The following FAM200C variants were observed in gnomAD, a reference collection of about 807,000 sequenced individuals.
At chr5:160,398,255 T>G in the FAM200C span, among the ~76,000 whole-genome samples, 2 of 151,990 alleles carry the variant, frequency 1.3e-5, no homozygotes, top group Non-Finnish European at 2.9e-5. Flanking sequence ...AGCCAGACTC[T>G]GTCTCAAAAA....
chr5:160,399,834 G>A, the FAM200C span: 12 of 151,502 alleles, frequency 7.9e-5, no homozygotes, highest in African/African-American at 2.7e-4. Context: ...CCAAGCCTGA[G>A]GCGCAGGCCT....
At chr5:160,394,201 A>C in the FAM200C span, 5 of 1,611,890 alleles carry the variant, frequency 3.1e-6, no homozygotes, top group Non-Finnish European at 4.2e-6. Context: ...TTATTTCTTC[A>C]AGAAAAGGAA....
chr5:160,394,226 C>CT, the FAM200C span: 1 of 1,611,898 alleles, frequency 6.2e-7, no homozygotes. Context: ...GGTAAAATTT[C>CT]TTTTCTCAAT....
chr5:160,395,390 T>TGAA, the FAM200C span: 10 of 1,614,072 alleles, frequency 6.2e-6, no homozygotes, highest in Non-Finnish European at 7.6e-6. Context: ...AAATACTGAG[T>TGAA]TACACAACAC....
chr5:160,398,828 G>A, the FAM200C span, among the ~76,000 whole-genome samples: 1 of 152,164 alleles, frequency 6.6e-6, no homozygotes, highest in South Asian at 2.1e-4. Flanking sequence ...CCTAAAAAAC[G>A]TAAACATTAA....
the FAM200C span, chr5:160,395,048 G>C: frequency 6.2e-7 from 1 of 1,613,946 alleles, no homozygotes. Context: ...ATCAATTCTA[G>C]AATGGATCAC....
At chr5:160,394,451 T>C in the FAM200C span, 2 of 1,613,762 alleles carry the variant, frequency 1.2e-6, no homozygotes, top group African/African-American at 1.3e-5. Context: ...TATTTCTTCA[T>C]ACATTTCAAA....
At chr5:160,393,651 C>A in the FAM200C span, 1 of 1,259,896 alleles carries the variant, frequency 7.9e-7, no homozygotes, top group Non-Finnish European at 1.1e-6. Flanking sequence ...AGAATTACAG[C>A]TTAATTTTAC....
the FAM200C span, chr5:160,394,303 C>T: frequency 3.7e-6 from 6 of 1,613,224 alleles, no homozygotes; most frequent in Non-Finnish European, 5.1e-6. Context: ...ATACTGTGTT[C>T]ATCCCAGTCC....
At chr5:160,396,697 G>GAAAAA in the FAM200C span, among the ~76,000 whole-genome samples, 1 of 49,260 alleles carries the variant, frequency 2.0e-5, no homozygotes, top group African/African-American at 7.1e-5. Context: ...AAGTCTCTGT[G>GAAAAA]GAAAAAAAAA....
chr5:160,393,649 A>G, the FAM200C span: 2 of 1,240,052 alleles, frequency 1.6e-6, no homozygotes, highest in Non-Finnish European at 1.1e-6. Context: ...ACAGAATTAC[A>G]GCTTAATTTT....
At chr5:160,395,812 G>A in the FAM200C span, among the ~76,000 whole-genome samples, 1 of 152,216 alleles carries the variant, frequency 6.6e-6, no homozygotes, top group Admixed American at 6.5e-5. Flanking sequence ...TATAGTTATG[G>A]CTTAACTTGT....
chr5:160,394,310 G>A, the FAM200C span: 1 of 1,613,914 alleles, frequency 6.2e-7, no homozygotes, highest in African/African-American at 1.3e-5. Context: ...GTTCATCCCA[G>A]TCCTCTGCAT....
chr5:160,395,262 C>T, the FAM200C span: 2 of 1,614,078 alleles, frequency 1.2e-6, no homozygotes, highest in Non-Finnish European at 1.7e-6. Context: ...TTCAAGGTTT[C>T]ACTCTGATCA....
the FAM200C span, among the ~76,000 whole-genome samples, chr5:160,398,513 G>A: frequency 9.2e-5 from 14 of 152,196 alleles, no homozygotes; most frequent in Non-Finnish European, 1.8e-4. Context: ...TCTCCAGACT[G>A]GGTGACGGAG....
the FAM200C span, chr5:160,393,475 A>T: frequency 7.4e-6 from 4 of 537,882 alleles, no homozygotes; most frequent in East Asian, 9.8e-5. Flanking sequence ...CAGGTTAAAC[A>T]GATACTTAGA....
chr5:160,394,663 A>C, the FAM200C span: 2 of 1,614,152 alleles, frequency 1.2e-6, no homozygotes, highest in South Asian at 2.2e-5. Context: ...TGACAAGTGC[A>C]TGAGGATTCA....
At chr5:160,398,042 G>C in the FAM200C span, among the ~76,000 whole-genome samples, 1 of 152,190 alleles carries the variant, frequency 6.6e-6, no homozygotes. Flanking sequence ...AGGAGTTCCA[G>C]ACCAGCCAGG....
At chr5:160,394,372 G>A in the FAM200C span, 2 of 1,613,710 alleles carry the variant, frequency 1.2e-6, no homozygotes, top group Non-Finnish European at 8.5e-7. Context: ...GGTATGCTAG[G>A]TGAATTTTAA....
Sources: gnomAD v4.1 joint callset for allele counts (sites outside exome capture counted in the v4.1 genomes callset) on GRCh38, gnomAD v4.1.1 for gene constraint, MANE v1.5 for transcripts.